The following GALK2 variants were observed in gnomAD, a reference collection of about 807,000 sequenced individuals.
The protein encoded by GALK2 is N-acetylgalactosamine kinase.
In GALK2, 36 loss-of-function variants were observed where a neutral mutation model predicts 52.4. The observed-to-expected ratio is 0.69, with a 90% CI of 0.53 to 0.91. The LOEUF (loss-of-function observed/expected upper bound fraction) is 0.91, where lower values mean the gene tolerates loss of function less well. Ranked by LOEUF, GALK2 falls within the 40% of genes least tolerant of loss-of-function variation. GALK2 has a pLI of 0.00. For missense variants in GALK2, 579 were observed against 559.1 expected, an observed-to-expected ratio of 1.04 and a Z score of -0.36; for synonymous variants, 176 against 199.1, an observed-to-expected ratio of 0.88 and a Z score of 0.98.
intron 8 of GALK2, among the ~76,000 whole-genome samples, chr15:49,297,094 G>A (rs964795154): frequency 5.9e-5 from 9 of 152,134 alleles, no homozygotes; most frequent in African/African-American, 2.2e-4. Flanking sequence ...GGCAACATCT[G>A]TTGTTTTATG....
At chr15:49,327,649 A>G (rs1348706349) in intron 9 of GALK2, 3 of 211,510 alleles carry the variant, frequency 1.4e-5, no homozygotes, top group Non-Finnish European at 9.4e-6. Context: ...ACAACTCTTC[A>G]AGTGGCTACT....
intron 3 of GALK2, among the ~76,000 whole-genome samples, chr15:49,229,945 A>G (rs1237240210): frequency 2.0e-5 from 3 of 152,128 alleles, no homozygotes; most frequent in African/African-American, 4.8e-5. Context: ...CAGCAGTGCA[A>G]TGGAAGTTGC....
chr15:49,290,004 T>C (rs1432379366), intron 7 of GALK2, among the ~76,000 whole-genome samples: 1 of 152,112 alleles, frequency 6.6e-6, no homozygotes, highest in Non-Finnish European at 1.5e-5. Flanking sequence ...AAGAAAGTGG[T>C]GAATGTGGAC....
At chr15:49,251,819 A>G (rs187491358) in intron 5 of GALK2, among the ~76,000 whole-genome samples, 2 of 152,296 alleles carry the variant, frequency 1.3e-5, no homozygotes, top group Admixed American at 6.5e-5. Context: ...TGTACTTCCT[A>G]AACATAAAAA....
intron 5 of GALK2, among the ~76,000 whole-genome samples, chr15:49,264,868 G>C (rs1249483442): frequency 6.6e-6 from 1 of 152,240 alleles, no homozygotes; most frequent in Non-Finnish European, 1.5e-5. Flanking sequence ...GGTACCAGCA[G>C]TGGTGGCTGT....
intron 5 of GALK2, among the ~76,000 whole-genome samples, chr15:49,270,073 A>T (rs2141683841): frequency 6.6e-6 from 1 of 152,218 alleles, no homozygotes; most frequent in Admixed American, 6.5e-5. Flanking sequence ...CCCTAACGTA[A>T]CTATTCCTCC....
intron 3 of GALK2, among the ~76,000 whole-genome samples, chr15:49,354,886 G>A (rs917626204): frequency 6.6e-6 from 1 of 152,038 alleles, no homozygotes; most frequent in Non-Finnish European, 1.5e-5. Flanking sequence ...CATGCAGCTG[G>A]AGATCTGAGA....
At chr15:49,299,775 C>G (rs1234125320) in intron 8 of GALK2, among the ~76,000 whole-genome samples, 4 of 128,130 alleles carry the variant, frequency 3.1e-5, no homozygotes, top group Non-Finnish European at 5.0e-5. Flanking sequence ...TTCTTTCTTT[C>G]TTTCTTTCTT....
rs561652159 is a variant in GALK2, at chr15:49,301,825, G to A, written c.967+9288G>A. 3.9e-5 allele frequency among the ~76,000 whole-genome samples: 6 copies of A among 152,220 alleles called. No individual in the cohort carries two copies. The South Asian group carries it at 1.2e-3, about 32-fold the overall frequency. On this transcript the variant is annotated intron_variant, in intron 8 of 9. Transcript: ENST00000560031. ...AGTTCCTGACTCATTTGTTTGCCTT[G>A]TATGATCTCCAGAGTCATGGGTGAT...
upstream of GALK2, among the ~76,000 whole-genome samples, chr15:49,166,151 A>T (rs556282765): frequency 9.1e-4 from 138 of 152,210 alleles, 5 homozygotes; most frequent in South Asian, 0.028. Flanking sequence ...TGAGGACCAC[A>T]CTTTGAGTAG....
intron 7 of GALK2, among the ~76,000 whole-genome samples, chr15:49,285,578 T>TCCAAAC (rs1319764237): frequency 6.6e-6 from 1 of 152,164 alleles, no homozygotes; most frequent in Non-Finnish European, 1.5e-5. Flanking sequence ...TTGGTTGAGC[T>TCCAAAC]CCAAACCTCT....
intron 1 of GALK2, among the ~76,000 whole-genome samples, chr15:49,193,740 T>A (rs992531113): frequency 3.5e-4 from 53 of 151,896 alleles, no homozygotes; most frequent in African/African-American, 6.5e-4. Context: ...TTTTATTTTT[T>A]TTTTTGAGAT....
At chr15:49,341,746 G>C (rs1001102080) in intron 3 of GALK2, among the ~76,000 whole-genome samples, 2 of 152,022 alleles carry the variant, frequency 1.3e-5, no homozygotes, top group Non-Finnish European at 2.9e-5. Context: ...GTATGTTCTG[G>C]TTCTGTTTTC....
intron 1 of GALK2, among the ~76,000 whole-genome samples, chr15:49,164,820 A>T (rs1307569029): frequency 7.9e-5 from 12 of 151,662 alleles, no homozygotes; most frequent in Admixed American, 7.9e-4. Flanking sequence ...ATAAAAAGGA[A>T]AAAACAAAAT....
intron 7 of GALK2, among the ~76,000 whole-genome samples, chr15:49,289,193 TACTC>T (rs2033683420): frequency 6.6e-6 from 1 of 152,206 alleles, no homozygotes; most frequent in Non-Finnish European, 1.5e-5. Context: ...ATGTGTGCCT[TACTC>T]ACTGCTGTCT....
chr15:49,317,932 A>T (rs1270524547), intron 8 of GALK2, among the ~76,000 whole-genome samples: 2 of 152,094 alleles, frequency 1.3e-5, no homozygotes, highest in African/African-American at 4.8e-5. Context: ...TAGGGGAGGG[A>T]TAGCATTAGG....
chr15:49,262,155 C>T (rs2092142660), intron 5 of GALK2, among the ~76,000 whole-genome samples: 1 of 151,972 alleles, frequency 6.6e-6, no homozygotes, highest in Non-Finnish European at 1.5e-5. Flanking sequence ...ACCAGTTCCT[C>T]CTTGTACCTC....
intron 8 of GALK2, among the ~76,000 whole-genome samples, chr15:49,300,691 T>C (rs979925635): frequency 2.6e-5 from 4 of 152,110 alleles, no homozygotes; most frequent in Non-Finnish European, 4.4e-5. Flanking sequence ...TGAGAACTGA[T>C]GGTTTTATAA....
chr15:49,285,914 G>A (rs749861662), intron 7 of GALK2, among the ~76,000 whole-genome samples: 1 of 152,140 alleles, frequency 6.6e-6, no homozygotes, highest in African/African-American at 2.4e-5. Flanking sequence ...CACCATATCT[G>A]AGACCTGTGC....
Sources: allele counts gnomAD v4.1 joint callset (sites outside exome capture counted in the v4.1 genomes callset), GRCh38; gene constraint gnomAD v4.1.1; transcripts MANE v1.5; gene names NCBI Gene and HGNC (gene_info 2026-07-23, HGNC 2026-07-21).